PLSCR4: variants seen among roughly 807,000 people sequenced by gnomAD.
PLSCR4 encodes phospholipid scramblase 4.
In PLSCR4, 25 loss-of-function variants were observed where a neutral mutation model predicts 36.3. The ratio of observed to expected loss-of-function variants is 0.69; its 90% CI spans 0.50 to 0.96. The LOEUF (loss-of-function observed/expected upper bound fraction) is 0.96. Among genes scored for constraint, PLSCR4 ranks in the 40% least tolerant of loss-of-function variants. PLSCR4 has a pLI of 0.00. For missense variants in PLSCR4, 408 were observed against 414.7 expected (o/e 0.98, Z 0.14); for synonymous variants, 122 against 132.9 (o/e 0.92, Z 0.56).
intron 1 of PLSCR4, among the ~76,000 whole-genome samples, chr3:146,228,804 T>G (rs2035582074): frequency 6.6e-6 from 1 of 152,192 alleles, no homozygotes; most frequent in South Asian, 2.1e-4. Flanking sequence ...AAGATGCAAC[T>G]GAACTAATAT....
intron 2 of PLSCR4, 67 bp downstream of exon 2, chr3:146,221,998 A>G: frequency 2.2e-6 from 2 of 918,372 alleles, no homozygotes; most frequent in Non-Finnish European, 3.2e-6. Flanking sequence ...GTCCCCCTTT[A>G]GGGAAAATAA....
intron 3 of PLSCR4, among the ~76,000 whole-genome samples, chr3:146,216,954 A>G (rs547350297): frequency 4.7e-4 from 71 of 152,332 alleles, no homozygotes; most frequent in Middle Eastern, 3.4e-3. Context: ...AATGCCACTC[A>G]TAATAGTCAT....
chr3:146,235,022 G>C (rs1428054648), intron 1 of PLSCR4, among the ~76,000 whole-genome samples: 1 of 152,088 alleles, frequency 6.6e-6, no homozygotes, highest in Non-Finnish European at 1.5e-5. Flanking sequence ...AAATCAATTA[G>C]CTCCATGGCA....
chr3:146,241,066 C>T (rs2036130898), intron 1 of PLSCR4, among the ~76,000 whole-genome samples: 1 of 152,092 alleles, frequency 6.6e-6, no homozygotes, highest in African/African-American at 2.4e-5. Flanking sequence ...CATTACACTA[C>T]TAGAAAGAAG....
chr3:146,248,518 CTTG>C (rs1446116689), intron 1 of PLSCR4, among the ~76,000 whole-genome samples: 10 of 129,640 alleles, frequency 7.7e-5, no homozygotes, highest in Admixed American at 2.7e-4. Context: ...AGTGTTTCAA[CTTG>C]TTGTTTCATT....
At chr3:146,209,431 T>A (rs2108253071) in intron 3 of PLSCR4, among the ~76,000 whole-genome samples, 1 of 152,182 alleles carries the variant, frequency 6.6e-6, no homozygotes, top group South Asian at 2.1e-4. Context: ...AAATATTTTT[T>A]AAAAAGAGTA....
rs34713180 is a variant in PLSCR4 at position 146,239,519 on chromosome 3, CAAAAAAAA to C, written c.-22+11433_-22+11440del. On this transcript the variant is annotated intron_variant, in intron 1 of 8. Transcript: ENST00000354952. Reference sequence around the variant, plus strand: ...GCTGAGACAATTGTACATCCACATACAAAAAAAAAAAAAAAAAAAACTTGGACCCCTAC... The same window carrying C: ...GCTGAGACAATTGTACATCCACATACAAAAAAAAAAAACTTGGACCCCTAC... Among the ~76,000 whole-genome samples the C allele has an allele frequency of 6.3e-5, 7 of 110,588 alleles. No homozygotes were observed. In the South Asian group the frequency reaches 8.9e-4, roughly 14 times the overall value. 72.6% of individuals were successfully genotyped at this position (110,588 alleles called of 152,430 possible). A position where few individuals can be genotyped will look rare whatever the true frequency, so the allele number is the denominator to read the frequency against.
intron 7 of PLSCR4, chr3:146,196,323 A>T (rs1441299631): frequency 4.0e-6 from 1 of 252,848 alleles, no homozygotes; most frequent in East Asian, 8.5e-5. Flanking sequence ...AAAAATGGTT[A>T]ATTACATATA....
At chr3:146,194,499 G>T (rs773022199) in intron 8 of PLSCR4, 44 bp from the exon 9 acceptor site, 5 of 1,160,406 alleles carry the variant, frequency 4.3e-6, no homozygotes, top group Non-Finnish European at 6.5e-6. Context: ...TAGATAATTA[G>T]GTATAATGCA....
At chr3:146,247,781 C>A (rs962455184) in intron 1 of PLSCR4, among the ~76,000 whole-genome samples, 1 of 152,058 alleles carries the variant, frequency 6.6e-6, no homozygotes, top group African/African-American at 2.4e-5. Context: ...TGCCACCATG[C>A]CTGGCTAATT....
At chr3:146,196,837 C>T in intron 6 of PLSCR4, 44 bp from the exon 7 acceptor site, 2 of 1,556,588 alleles carry the variant, frequency 1.3e-6, no homozygotes, top group Non-Finnish European at 1.8e-6. Flanking sequence ...TACATGCATA[C>T]ACATACACTT....
chr3:146,213,810 A>G (rs940918486), intron 3 of PLSCR4, among the ~76,000 whole-genome samples: 5 of 152,174 alleles, frequency 3.3e-5, no homozygotes, highest in Non-Finnish European at 7.4e-5. Flanking sequence ...CATACAATAA[A>G]TTGTACACAC....
At position 146,212,911 on chromosome 3, in the gene PLSCR4, G is replaced by GT. The variant is rs145701768; in HGVS notation, c.119-6151dup. ...TCCTCCTATTTCTAGTTTCTTAAGT[G>GT]TTTTTATCATGGAGGATGTTGTATT... On this transcript the variant is annotated intron_variant, in intron 3 of 8. Coordinates refer to ENST00000354952, the MANE Select transcript of PLSCR4 (RefSeq NM_020353.3). 4.2e-3 allele frequency among the ~76,000 whole-genome samples: 643 copies of GT among 152,164 alleles called. 3 individuals are homozygous for GT. The highest frequency in any genetic ancestry group is 0.015 in the African/African-American group (618 of 41,534).
At chr3:146,221,835 T>C (rs976724826) in intron 2 of PLSCR4, among the ~76,000 whole-genome samples, 1 of 152,170 alleles carries the variant, frequency 6.6e-6, no homozygotes, top group Non-Finnish European at 1.5e-5. Context: ...TCAGTAGATA[T>C]GTGTCCCACT....
Position 146,243,845 on chromosome 3 carries a change from T to C in PLSCR4, c.-22+7115A>G, listed in dbSNP as rs1576500834. 2.0e-5 allele frequency among the ~76,000 whole-genome samples: 3 copies of C among 152,302 alleles called. No homozygotes were observed. In the East Asian group the frequency reaches 5.8e-4, roughly 29 times the overall value. ...AAACACTTGCTGGTCACTTGGCTAC[T>C]TCTGATATTTCTTCTCACTTAAAAT... On this transcript the variant is annotated intron_variant, in intron 1 of 8. Transcript: ENST00000354952.
intron 2 of PLSCR4, among the ~76,000 whole-genome samples, chr3:146,221,494 G>A (rs948172816): frequency 6.6e-6 from 1 of 152,138 alleles, no homozygotes; most frequent in African/African-American, 2.4e-5. Context: ...AGTAATTGCT[G>A]CAAGGGAGGT....
At chr3:146,221,622 CT>C (rs1430238550) in intron 2 of PLSCR4, among the ~76,000 whole-genome samples, 1 of 152,126 alleles carries the variant, frequency 6.6e-6, no homozygotes, top group Non-Finnish European at 1.5e-5. Context: ...TGACTTTTAT[CT>C]CCTAGCAAAC....
intron 1 of PLSCR4, among the ~76,000 whole-genome samples, chr3:146,234,006 C>T (rs2035818750): frequency 6.6e-6 from 1 of 151,898 alleles, no homozygotes; most frequent in Non-Finnish European, 1.5e-5. Flanking sequence ...AACTAAAAAA[C>T]CCAAAAAACA....
rs139533618 is a variant in PLSCR4, at chr3:146,193,660, G to C, written c.*751C>G. 2 of 152,306 alleles carry C rather than the reference G, an allele frequency of 1.3e-5. No homozygotes were observed. Among genetic ancestry groups the C allele is most frequent in the African/African-American group, 4.8e-5 (2 of 41,580 alleles). The allele number at this position is 152,306 out of a possible 1,614,324, so 9.4% of individuals were successfully genotyped here. A position where few individuals can be genotyped will look rare whatever the true frequency, so the allele number is the denominator to read the frequency against. ...ATAATGACACCAATGTCTCTAAGTT[G>C]CTCAGAGATCTTGACTGGCTGTGGC... On this transcript the variant is annotated 3_prime_UTR_variant, in exon 9 of 9. Transcript: ENST00000354952.
Sources: gnomAD v4.1 joint callset for allele counts (sites outside exome capture counted in the v4.1 genomes callset) on GRCh38, gnomAD v4.1.1 for gene constraint, MANE v1.5 for transcripts, NCBI Gene and HGNC (gene_info 2026-07-23, HGNC 2026-07-21) for gene names.